Variants in RETREG1 observed in about 807,000 individuals in gnomAD.
The protein encoded by RETREG1 is reticulophagy regulator 1, also known as family with sequence similarity 134 member B.
RETREG1 carries 44 observed loss-of-function variants against 54.8 expected under a neutral mutation model. The ratio of observed to expected loss-of-function variants is 0.80; its 90% CI spans 0.63 to 1.03. RETREG1 has a LOEUF of 1.03. Among genes scored for constraint, RETREG1 ranks in the 50% least tolerant of loss-of-function variants. RETREG1 has a pLI of 0.00. For missense variants in RETREG1, 554 were observed against 605.1 expected, an observed-to-expected ratio of 0.92 and a Z score of 0.89; for synonymous variants, 217 against 238.5, an observed-to-expected ratio of 0.91 and a Z score of 0.83.
At position 16,577,318 on chromosome 5, in the gene RETREG1, A is replaced by G. The variant is rs530391646; in HGVS notation, c.321-5216T>C. On this transcript the variant is annotated intron_variant, in intron 1 of 8. Transcript: ENST00000306320. ...TTTTTTTTTTTCCCTCTAAAACCCA[A>G]AGATAGGTGGTAGTGCCTGTTTCCA... Among the ~76,000 whole-genome samples the G allele has an allele frequency of 4.0e-5, 6 of 150,632 alleles. No homozygotes were observed. In the South Asian group the frequency reaches 1.3e-3, roughly 32 times the overall value.
At chr5:16,558,570 A>C (rs1741774058) in intron 3 of RETREG1, among the ~76,000 whole-genome samples, 2 of 152,262 alleles carry the variant, frequency 1.3e-5, no homozygotes, top group South Asian at 4.1e-4. Context: ...GTGACTGAAC[A>C]GAAAACTAAA....
intron 3 of RETREG1, among the ~76,000 whole-genome samples, chr5:16,520,706 T>A (rs1740508162): frequency 6.6e-6 from 1 of 152,238 alleles, no homozygotes; most frequent in African/African-American, 2.4e-5. Flanking sequence ...GCAGTTAAAA[T>A]TAATTAAATT....
At chr5:16,507,514 T>A (rs1036009758) in intron 3 of RETREG1, among the ~76,000 whole-genome samples, 2 of 152,230 alleles carry the variant, frequency 1.3e-5, no homozygotes, top group Non-Finnish European at 2.9e-5. Flanking sequence ...AATGTCATCT[T>A]CAAGTACTTG....
intron 1 of RETREG1, among the ~76,000 whole-genome samples, chr5:16,603,157 A>C (rs2126362545): frequency 6.6e-6 from 1 of 152,254 alleles, no homozygotes; most frequent in East Asian, 1.9e-4. Context: ...TTAATTAAAA[A>C]CCCAGTGGAA....
intron 1 of RETREG1, chr5:16,616,439 G>T: frequency 1.2e-6 from 1 of 867,572 alleles, no homozygotes; most frequent in Non-Finnish European, 1.7e-6. Context: ...ATCCGCACAC[G>T]GAGAACGACA....
At chr5:16,523,035 TAGAG>T (rs149898762) in intron 3 of RETREG1, among the ~76,000 whole-genome samples, 5 of 145,730 alleles carry the variant, frequency 3.4e-5, no homozygotes, top group South Asian at 4.4e-4. Flanking sequence ...AAGAAAGAGA[TAGAG>T]AGAGAGAGAG....
In RETREG1 at chr5:16,502,105, C is replaced by T. The variant is rs142416494; in HGVS notation, c.459-18633G>A. Among the ~76,000 whole-genome samples the T allele has an allele frequency of 2.2e-3, 339 of 151,306 alleles. 3 individuals are homozygous for T. The highest frequency in any genetic ancestry group is 3.9e-3 in the Non-Finnish European group (266 of 67,846). On this transcript the variant is annotated intron_variant, in intron 3 of 8. Coordinates refer to ENST00000306320, the MANE Select transcript of RETREG1 (RefSeq NM_001034850.3). ...CCAAGTAGCTGGGACTACAGGCGCC[C>T]GCCACCACGCCTGGCTCATTTTTTG...
At chr5:16,600,746 C>A (rs994668518) in intron 1 of RETREG1, among the ~76,000 whole-genome samples, 1 of 152,292 alleles carries the variant, frequency 6.6e-6, no homozygotes, top group African/African-American at 2.4e-5. Context: ...TTCAGGAAAG[C>A]CTTCAACACC....
chr5:16,545,339 A>G (rs1279206159), intron 3 of RETREG1, among the ~76,000 whole-genome samples: 3 of 152,170 alleles, frequency 2.0e-5, no homozygotes, highest in Non-Finnish European at 4.4e-5. Flanking sequence ...GATATGGGAT[A>G]TGGTAGAATG....
At chr5:16,489,016 G>C (rs1397385666) in intron 3 of RETREG1, among the ~76,000 whole-genome samples, 1 of 149,444 alleles carries the variant, frequency 6.7e-6, no homozygotes, top group Non-Finnish European at 1.5e-5. Flanking sequence ...CCAGGAGGCA[G>C]GGGCTGCAAT....
At chr5:16,483,223 CAT>C in intron 4 of RETREG1, 121 bp downstream of exon 4, 1 of 1,128,544 alleles carries the variant, frequency 8.9e-7, no homozygotes, top group Non-Finnish European at 1.3e-6. Context: ...GCTTTTATGG[CAT>C]ATGTTCTTAG....
chr5:16,532,635 A>G (rs1579656290), intron 3 of RETREG1, among the ~76,000 whole-genome samples: 1 of 152,222 alleles, frequency 6.6e-6, no homozygotes, highest in African/African-American at 2.4e-5. Context: ...TTATCTGTAC[A>G]TGTCAGATAA....
intron 5 of RETREG1, among the ~76,000 whole-genome samples, chr5:16,480,121 C>G (rs1738703103): frequency 6.6e-6 from 1 of 151,898 alleles, no homozygotes; most frequent in Admixed American, 6.6e-5. Flanking sequence ...TTTATTCAAC[C>G]TTCCTTCCAG....
At chr5:16,614,608 G>GCAT (rs199991553) in intron 1 of RETREG1, among the ~76,000 whole-genome samples, 2,882 of 152,294 alleles carry the variant, frequency 0.019, 89 homozygotes, top group African/African-American at 0.066. Flanking sequence ...CATGCAATAT[G>GCAT]GTGACAGCCA....
chr5:16,578,135 C>T (rs1742385917), intron 1 of RETREG1, among the ~76,000 whole-genome samples: 1 of 152,172 alleles, frequency 6.6e-6, no homozygotes, highest in African/African-American at 2.4e-5. Context: ...CCTCTCAGGT[C>T]TTTGGCACAA....
chr5:16,527,102 C>A (rs1035185554), intron 3 of RETREG1, among the ~76,000 whole-genome samples: 1 of 152,250 alleles, frequency 6.6e-6, no homozygotes, highest in African/African-American at 2.4e-5. Context: ...CCTTTACCTT[C>A]CCCCGCCAGG....
chr5:16,551,273 C>T (rs1198971695), intron 3 of RETREG1, among the ~76,000 whole-genome samples: 1 of 149,806 alleles, frequency 6.7e-6, no homozygotes, highest in African/African-American at 2.4e-5. Context: ...TAAAAAGCTC[C>T]TTCCCCTCCT....
intron 1 of RETREG1, among the ~76,000 whole-genome samples, chr5:16,603,530 G>C (rs1463791150): frequency 1.3e-5 from 2 of 152,122 alleles, no homozygotes; most frequent in Non-Finnish European, 2.9e-5. Flanking sequence ...GAGATGCAGG[G>C]GGTCACAGTC....
chr5:16,584,919 G>A (rs1440206497), intron 1 of RETREG1, among the ~76,000 whole-genome samples: 3 of 151,998 alleles, frequency 2.0e-5, no homozygotes, highest in Non-Finnish European at 4.4e-5. Flanking sequence ...AATGGAGTGA[G>A]ATAAAGCAAT....
Sources: gnomAD v4.1 joint callset for allele counts (sites outside exome capture counted in the v4.1 genomes callset) on GRCh38, gnomAD v4.1.1 for gene constraint, MANE v1.5 for transcripts, NCBI Gene and HGNC (gene_info 2026-07-23, HGNC 2026-07-21) for gene names.